The following MLLT1 variants were observed in gnomAD, a reference collection of about 807,000 sequenced individuals.
The protein encoded by MLLT1 is MLLT1 super elongation complex subunit, also known as protein ENL.
Under a neutral mutation model 55.1 loss-of-function variants are expected in MLLT1, and 11 were observed. That is an observed-to-expected ratio of 0.20 (90% CI 0.13 to 0.33). The LOEUF is 0.33. MLLT1 is among the 10% of genes least tolerant of loss of function. The probability of loss-of-function intolerance (pLI) is 1.00; values close to 1 mark genes in which losing one functional copy is unlikely to be tolerated. For missense variants in MLLT1, 536 were observed against 760.6 expected (o/e 0.70, Z 3.47); for synonymous variants, 323 against 320.1 (o/e 1.01, Z -0.10).
rs754393888 is a variant in MLLT1 at position 6,222,629 on chromosome 19, T to A, written c.602A>T (p.His201Leu). ...GGAGTCTTTGCGGGGCCGCTCCCGG[T>A]GCTCCTTGGTCACCTTGTGTGGCTT... The part of the protein sequence containing the change: ...TSKPHKVTKE[H>L]RERPRKDSES... Residue 201 changes from histidine (H) to leucine (L), a missense_variant, in exon 6 of 12, where the codon CAC (histidine) becomes CTC (leucine). This residue lies in a region of MLLT1 where 449 missense variants were observed against 489.0 expected (regional missense o/e 0.92). Coordinates refer to ENST00000252674, the MANE Select transcript of MLLT1 (RefSeq NM_005934.4). The surrounding 1 kb of genome is among the most constrained non-coding windows in gnomAD (Gnocchi z 4.1). The A allele has an allele frequency of 2.6e-5, 41 of 1,587,486 alleles. No individual in the cohort carries two copies. In the East Asian group the frequency reaches 9.0e-4, roughly 35 times the overall value.
chr19:6,251,248 C>T (rs973897861), intron 3 of MLLT1, among the ~76,000 whole-genome samples: 1 of 152,160 alleles, frequency 6.6e-6, no homozygotes, highest in Non-Finnish European at 1.5e-5. Flanking sequence ...AATTTCATCT[C>T]GTGAATTTCA....
chr19:6,230,886 G>A lies in MLLT1; in HGVS notation c.277-173C>T, dbSNP rs977491335. Reference sequence around the variant, plus strand: ...TCCTGCCCTGCCCTTATTCAAAATCGACCAGCTTACTATGTGCAGCTAACT... The same window carrying A: ...TCCTGCCCTGCCCTTATTCAAAATCAACCAGCTTACTATGTGCAGCTAACT... On this transcript the variant is annotated intron_variant, in intron 3 of 11. Coordinates refer to ENST00000252674, the MANE Select transcript of MLLT1 (RefSeq NM_005934.4). This position sits in a 1 kb window ranked among gnomAD's most constrained non-coding sequence, Gnocchi z 9.0. 6.6e-6 allele frequency among the ~76,000 whole-genome samples: 1 copy of A among 151,948 alleles called. No homozygotes were observed. Among genetic ancestry groups the A allele is most frequent in the Non-Finnish European group, 1.5e-5 (1 of 67,996 alleles).
chr19:6,219,359 C>T lies in MLLT1; in HGVS notation c.1111-1318G>A, dbSNP rs2090874068. 6.6e-6 allele frequency among the ~76,000 whole-genome samples: 1 copy of T among 152,210 alleles called. No individual in the cohort carries two copies. Among genetic ancestry groups the T allele is most frequent in the Non-Finnish European group, 1.5e-5 (1 of 68,042 alleles). ...CGTGGTGCCCATCAGTCACTGCCCA[C>T]TCAGGCTACCTGAGTCCCGGACACA... On this transcript the variant is annotated intron_variant, in intron 6 of 11. Coordinates refer to ENST00000252674, the MANE Select transcript of MLLT1 (RefSeq NM_005934.4). This position sits in a 1 kb window ranked among gnomAD's most constrained non-coding sequence, Gnocchi z 4.5.
rs1243363967 is a variant in MLLT1, at chr19:6,227,221, T to C, written c.421-119A>G. 5 of 1,104,178 alleles carry C rather than the reference T, an allele frequency of 4.5e-6. No homozygotes were observed. The highest frequency in any genetic ancestry group is 1.7e-5 in the African/African-American group (1 of 60,568). The allele number at this position is 1,104,178 out of a possible 1,614,324, so 68.4% of individuals were successfully genotyped here. On this transcript the variant is annotated intron_variant, in intron 4 of 11. Transcript: ENST00000252674. The surrounding 1 kb of genome is among the most constrained non-coding windows in gnomAD (Gnocchi z 5.1). ...AGGGGAGAAGGGAGAGCCTGAGCGCTTTCCCGAAAGAATCCCAGGTGCTTC... is the reference window on the plus strand; with the variant it reads ...AGGGGAGAAGGGAGAGCCTGAGCGCCTTCCCGAAAGAATCCCAGGTGCTTC...
chr19:6,214,977 C>T (rs1270343054), intron 8 of MLLT1, among the ~76,000 whole-genome samples: 7 of 152,240 alleles, frequency 4.6e-5, no homozygotes, highest in East Asian at 1.9e-4. Flanking sequence ...AGCTGCCTCC[C>T]GGCTCTGGCA....
At chr19:6,250,784 C>T (rs917055711) in intron 3 of MLLT1, among the ~76,000 whole-genome samples, 3 of 152,190 alleles carry the variant, frequency 2.0e-5, no homozygotes, top group Non-Finnish European at 2.9e-5. Context: ...CAAACACATA[C>T]ACGCACAGCC....
chr19:6,221,177 C>T lies in MLLT1; in HGVS notation c.1110+944G>A, dbSNP rs549099859. ...CCTCAGCAACCCAGAGGCAAAGCTT[C>T]CTTGAGGGCAAGCCGGACCCACAAA... On this transcript the variant is annotated intron_variant, in intron 6 of 11. Coordinates refer to ENST00000252674, the MANE Select transcript of MLLT1 (RefSeq NM_005934.4). Among the ~76,000 whole-genome samples, 15 of 152,354 alleles carry T rather than the reference C, an allele frequency of 9.8e-5. No homozygotes were observed. In the East Asian group the frequency reaches 2.7e-3, roughly 27 times the overall value.
chr19:6,248,135 G>A (rs529920347), intron 3 of MLLT1, among the ~76,000 whole-genome samples: 25 of 152,196 alleles, frequency 1.6e-4, no homozygotes, highest in African/African-American at 4.1e-4. Context: ...TGATTCACTC[G>A]CCTTCGCCTC....
intron 3 of MLLT1, among the ~76,000 whole-genome samples, chr19:6,244,362 A>AT (rs201029867): frequency 1.3e-5 from 2 of 149,326 alleles, no homozygotes; most frequent in African/African-American, 5.1e-5. Flanking sequence ...GTAAACGAAC[A>AT]TTAAAAAAAA....
intron 8 of MLLT1, among the ~76,000 whole-genome samples, chr19:6,214,571 TC>T (rs1357394976): frequency 6.6e-6 from 1 of 151,654 alleles, no homozygotes; most frequent in Non-Finnish European, 1.5e-5. Context: ...TGGGGAGAGG[TC>T]CAAGCTCTCA....
rs1326796128 is a variant in MLLT1, at chr19:6,213,391, C to T, written c.1497G>A (p.Leu499=). 6.2e-7 allele frequency: 1 copy of T among 1,611,840 alleles called. No homozygotes were observed. The highest frequency in any genetic ancestry group is 1.3e-5 in the African/African-American group (1 of 75,044). Residue 499 remains leucine (L), a synonymous_variant, in exon 11 of 12, where the codon CTG becomes CTA. Coordinates refer to ENST00000252674, the MANE Select transcript of MLLT1 (RefSeq NM_005934.4). ...CCATCAGCCTCCGGTGTAGCTCCAC[C>T]AGCTCATCCGTGTAGGCCTGGGGAG... ...GTYDKAYTDE[L]VELHRRLMAL...
At position 6,226,864 on chromosome 19, in the gene MLLT1, AG is replaced by A; in HGVS notation, c.546+112del. 1.2e-6 allele frequency: 1 copy of A among 815,746 alleles called. No individual in the cohort carries two copies. Among genetic ancestry groups the A allele is most frequent in the Non-Finnish European group, 1.8e-6 (1 of 558,758 alleles). The allele number at this position is 815,746 out of a possible 1,614,324, so 50.5% of individuals were successfully genotyped here. On this transcript the variant is annotated intron_variant, in intron 5 of 11. Coordinates refer to ENST00000252674, the MANE Select transcript of MLLT1 (RefSeq NM_005934.4). This position sits in a 1 kb window ranked among gnomAD's most constrained non-coding sequence, Gnocchi z 6.3. ...AGAGAGCTCAAAGAGGAAGACGCCA[AG>A]GGAGCGAGCAGGTGCGGAAGGCCCA...
Position 6,222,469 on chromosome 19 carries a change from G to A in MLLT1, c.762C>T (p.Pro254=). The change falls in exon 6 of 12, where the codon CCC becomes CCT. Residue 254 remains proline, a synonymous_variant. Transcript: ENST00000252674. The surrounding 1 kb of genome is among the most constrained non-coding windows in gnomAD (Gnocchi z 4.1). ...APPPKAAFKE[P]KMALKETKLE... ...GCTTGGTCTCTTTCAGGGCCATCTT[G>A]GGTTCCTTGAAGGCAGCCTTGGGCG... 1.9e-6 allele frequency: 3 copies of A among 1,588,300 alleles called. No homozygotes were observed. Among genetic ancestry groups the A allele is most frequent in the Non-Finnish European group, 2.6e-6 (3 of 1,172,878 alleles).
At position 6,211,900 on chromosome 19, in the gene MLLT1, G is replaced by T. The variant is rs966781686; in HGVS notation, c.*1142C>A. 3.6e-5 allele frequency: 38 copies of T among 1,064,662 alleles called. No homozygotes were observed. The highest frequency in any genetic ancestry group is 4.3e-5 in the Non-Finnish European group (38 of 878,862). 66.0% of individuals were successfully genotyped at this position (1,064,662 alleles called of 1,614,324 possible). A position where few individuals can be genotyped will look rare whatever the true frequency, so the allele number is the denominator to read the frequency against. On this transcript the variant is annotated 3_prime_UTR_variant, in exon 12 of 12. Coordinates refer to ENST00000252674, the MANE Select transcript of MLLT1 (RefSeq NM_005934.4). The surrounding 1 kb of genome is among the most constrained non-coding windows in gnomAD (Gnocchi z 4.6). ...GCATGAATTGCGGCGGTGGAGGCCG[G>T]GGCGGGCCAGGCCGCGACCAGAGAG...
rs1358040153 is a variant in MLLT1 at position 6,216,369 on chromosome 19, G to A, written c.1307+36C>T. 3 of 1,512,918 alleles carry A rather than the reference G, an allele frequency of 2.0e-6. No homozygotes were observed. In the African/African-American group the frequency reaches 4.1e-5, roughly 21 times the overall value. 93.7% of individuals were successfully genotyped at this position (1,512,918 alleles called of 1,614,324 possible). A position where few individuals can be genotyped will look rare whatever the true frequency, so the allele number is the denominator to read the frequency against. On this transcript the variant is annotated intron_variant, in intron 8 of 11. Transcript: ENST00000252674. ...GACCCAGCCGGAGTCGCCCCGGGTG[G>A]CCGCCTCCGCCCCCTGGCTCCCACC...
chr19:6,261,238 A>G (rs1008765320), intron 3 of MLLT1, among the ~76,000 whole-genome samples: 49 of 152,304 alleles, frequency 3.2e-4, no homozygotes, highest in South Asian at 1.2e-3. Context: ...AAGCCTCAGA[A>G]TGACCTAGGT....
chr19:6,213,642 G>A (rs983200719), intron 10 of MLLT1, 84 bp downstream of exon 10: 17 of 1,347,244 alleles, frequency 1.3e-5, no homozygotes, highest in Non-Finnish European at 1.7e-5. Flanking sequence ...GGGGTGTTGG[G>A]GGGCTCTGGG....
intron 7 of MLLT1, 94 bp downstream of exon 7, chr19:6,217,860 G>A: frequency 6.7e-7 from 1 of 1,494,122 alleles, no homozygotes; most frequent in Non-Finnish European, 8.9e-7. Flanking sequence ...GGCCCAGCCT[G>A]TGCAGGCAGT....
At chr19:6,242,822 T>TG (rs1455282258) in intron 3 of MLLT1, among the ~76,000 whole-genome samples, 2 of 152,020 alleles carry the variant, frequency 1.3e-5, no homozygotes, top group Non-Finnish European at 2.9e-5. Context: ...ACAGGGCACC[T>TG]GGGGGGCTGC....
Sources: gnomAD v4.1 joint callset for allele counts (sites outside exome capture counted in the v4.1 genomes callset) on GRCh38, gnomAD v4.1.1 for gene constraint, gnomAD v4.1.1 regional missense constraint, Gnocchi (gnomAD v3.1) non-coding constraint, MANE v1.5 for transcripts, NCBI Gene and HGNC (gene_info 2026-07-23, HGNC 2026-07-21) for gene names.